Variants in NAALADL2 observed in about 807,000 individuals in gnomAD.
NAALADL2 encodes N-acetylated alpha-linked acidic dipeptidase like 2.
Under a neutral mutation model 87.2 loss-of-function variants are expected in NAALADL2, and 76 were observed. The observed-to-expected ratio is 0.87, with a 90% confidence interval of 0.72 to 1.05. The LOEUF is 1.05. Among genes scored for constraint, NAALADL2 ranks in the 50% least tolerant of loss-of-function variants. NAALADL2 has a pLI of 0.00. For missense variants in NAALADL2, 1,089 were observed against 945.8 expected (o/e 1.15, Z -1.99); for synonymous variants, 354 against 331.0 (o/e 1.07, Z -0.75).
At chr3:175,502,228 G>GGGGTGTGT (rs373702257) in intron 9 of NAALADL2, among the ~76,000 whole-genome samples, 6 of 147,292 alleles carry the variant, frequency 4.1e-5, no homozygotes, top group African/African-American at 1.2e-4. Context: ...CATTATCCTG[G>GGGGTGTGT]GTGTGTGTGT....
intron 11 of NAALADL2, among the ~76,000 whole-genome samples, chr3:175,723,090 G>A (rs1431478909): frequency 1.3e-5 from 2 of 152,082 alleles, no homozygotes; most frequent in Non-Finnish European, 2.9e-5. Flanking sequence ...CCAGCGTCTA[G>A]TCAAGCTGTC....
chr3:174,706,038 C>A (rs998995031), intron 2 of NAALADL2, among the ~76,000 whole-genome samples: 2 of 152,090 alleles, frequency 1.3e-5, no homozygotes, highest in Non-Finnish European at 2.9e-5. Context: ...CAAATAAATT[C>A]AATACAGAGT....
rs148745400 is a variant in NAALADL2, at chr3:174,743,612, G to C, written c.-9+5866G>C. Among the ~76,000 whole-genome samples the C allele has an allele frequency of 3.8e-3, 577 of 151,822 alleles. 1 individual carries two copies. The highest frequency in any genetic ancestry group is 0.013 in the African/African-American group (554 of 41,492). On this transcript the variant is annotated intron_variant, in intron 3 of 3. Transcript: ENST00000434257. ...ATTAAAGATGTATTGAACTCTTTTA[G>C]AGAAACAGCATATAATGTCTATTTT...
At chr3:175,465,593 CT>C (rs1221426858) in intron 7 of NAALADL2, among the ~76,000 whole-genome samples, 1 of 151,422 alleles carries the variant, frequency 6.6e-6, no homozygotes, top group Non-Finnish European at 1.5e-5. Context: ...CTGCCTCAGC[CT>C]CCCGAATAGC....
At chr3:174,469,873 C>T (rs1716791620) in intron 1 of NAALADL2, among the ~76,000 whole-genome samples, 1 of 152,054 alleles carries the variant, frequency 6.6e-6, no homozygotes, top group Non-Finnish European at 1.5e-5. Flanking sequence ...ATTTGAGGTT[C>T]ATCAGAGTAT....
intron 3 of NAALADL2, among the ~76,000 whole-genome samples, chr3:174,799,471 T>C (rs1718548384): frequency 6.6e-6 from 1 of 152,118 alleles, no homozygotes; most frequent in Non-Finnish European, 1.5e-5. Context: ...CTGCACAAGC[T>C]CTCTGTTTGC....
chr3:174,689,384 C>T (rs1341060480), intron 2 of NAALADL2, among the ~76,000 whole-genome samples: 1 of 138,468 alleles, frequency 7.2e-6, no homozygotes, highest in Non-Finnish European at 1.6e-5. Context: ...TCCCCCTCTA[C>T]CCCCCGCTTC....
chr3:175,033,177 T>C (rs2108924166), intron 1 of NAALADL2, among the ~76,000 whole-genome samples: 1 of 152,154 alleles, frequency 6.6e-6, no homozygotes, highest in Middle Eastern at 3.4e-3. Flanking sequence ...TTAATGGCTC[T>C]GATGATATTT....
intron 4 of NAALADL2, among the ~76,000 whole-genome samples, chr3:175,295,718 A>ACACACACACACACACAC (rs1553851707): frequency 5.6e-5 from 8 of 143,656 alleles, no homozygotes; most frequent in East Asian, 4.2e-4. Context: ...CATGCACACA[A>ACACACACACACACACAC]ACACACACAC....
intron 2 of NAALADL2, among the ~76,000 whole-genome samples, chr3:174,620,445 G>GT (rs869264528): frequency 3.0e-5 from 4 of 135,164 alleles, no homozygotes; most frequent in Admixed American, 1.5e-4. Flanking sequence ...GTTTTGTTTT[G>GT]TTTTTTTCAA....
intron 2 of NAALADL2, among the ~76,000 whole-genome samples, chr3:174,585,998 A>G (rs1372326590): frequency 2.0e-5 from 3 of 152,238 alleles, no homozygotes; most frequent in African/African-American, 7.2e-5. Flanking sequence ...CATTAAATGC[A>G]TTAATATATG....
chr3:174,993,610 T>C (rs558059191), intron 1 of NAALADL2, among the ~76,000 whole-genome samples: 3 of 152,282 alleles, frequency 2.0e-5, no homozygotes, highest in South Asian at 4.1e-4. Flanking sequence ...ACATTTTTGC[T>C]AAAAATGTTT....
intron 4 of NAALADL2, among the ~76,000 whole-genome samples, chr3:175,322,158 G>A (rs953918266): frequency 2.0e-5 from 3 of 150,956 alleles, no homozygotes; most frequent in Admixed American, 2.0e-4. Flanking sequence ...CAATGGAACA[G>A]AACAGAGCCC....
intron 1 of NAALADL2, among the ~76,000 whole-genome samples, chr3:174,876,167 A>T (rs1311874853): frequency 6.6e-6 from 1 of 152,188 alleles, no homozygotes. Context: ...TGCACAAAAT[A>T]CAATAAAAAT....
upstream of NAALADL2, among the ~76,000 whole-genome samples, chr3:174,857,474 A>T (rs540474637): frequency 9.6e-4 from 146 of 152,224 alleles, 1 homozygote; most frequent in South Asian, 5.2e-3. Context: ...CTCATAGATA[A>T]TGGGTGCTTT....
chr3:174,719,469 T>C (rs1731504219), intron 2 of NAALADL2, among the ~76,000 whole-genome samples: 2 of 152,214 alleles, frequency 1.3e-5, no homozygotes, highest in Admixed American at 1.3e-4. Flanking sequence ...TATAAGTTCA[T>C]GGATTCTTAT....
intron 3 of NAALADL2, among the ~76,000 whole-genome samples, chr3:174,847,288 C>T (rs1450827186): frequency 6.6e-6 from 1 of 152,090 alleles, no homozygotes; most frequent in Non-Finnish European, 1.5e-5. Context: ...CAAAAAACCC[C>T]AACCTGGGAT....
chr3:175,296,117 T>C (rs1162794175), intron 4 of NAALADL2, among the ~76,000 whole-genome samples: 2 of 152,240 alleles, frequency 1.3e-5, no homozygotes, highest in South Asian at 2.1e-4. Context: ...TCTGAAGATA[T>C]AGTCCATAAC....
intron 1 of NAALADL2, chr3:174,441,158 G>A (rs1395087419): frequency 6.6e-6 from 1 of 152,264 alleles, no homozygotes. Context: ...GCGCGACTGA[G>A]CTGTGGGCCG....
Sources: allele counts gnomAD v4.1 joint callset (sites outside exome capture counted in the v4.1 genomes callset), GRCh38; gene constraint gnomAD v4.1.1; transcripts MANE v1.5; gene names NCBI Gene and HGNC (gene_info 2026-07-23, HGNC 2026-07-21).